PTPN4: variants seen among roughly 807,000 people sequenced by gnomAD.
PTPN4 encodes the protein tyrosine-protein phosphatase non-receptor type 4.
PTPN4 carries 49 observed loss-of-function variants against 135.5 expected under a neutral mutation model. The ratio of observed to expected loss-of-function variants is 0.36; its 90% CI spans 0.29 to 0.46. The LOEUF (loss-of-function observed/expected upper bound fraction) is 0.46, where lower values mean the gene tolerates loss of function less well. Ranked by LOEUF, PTPN4 falls within the 20% of genes least tolerant of loss-of-function variation. The pLI is 1.00. For missense variants in PTPN4, 860 were observed against 1,101.0 expected (o/e 0.78, Z 3.10); for synonymous variants, 333 against 369.9 (o/e 0.90, Z 1.14).
intron 1 of PTPN4, among the ~76,000 whole-genome samples, chr2:119,801,152 G>T (rs1259941436): frequency 6.6e-6 from 1 of 152,136 alleles, no homozygotes; most frequent in Admixed American, 6.5e-5. Flanking sequence ...GCAGTGGCAC[G>T]ATCTTGGTTC....
intron 2 of PTPN4, among the ~76,000 whole-genome samples, chr2:119,854,511 C>T (rs1677643310): frequency 1.3e-5 from 2 of 152,084 alleles, no homozygotes; most frequent in South Asian, 4.1e-4. Context: ...TCTTTCTGGC[C>T]ACTTCCTGCT....
chr2:119,835,084 T>C (rs984769969), intron 2 of PTPN4, among the ~76,000 whole-genome samples: 1 of 152,192 alleles, frequency 6.6e-6, no homozygotes, highest in Non-Finnish European at 1.5e-5. Context: ...ATAAAGGAGC[T>C]CAGGGCAGAA....
rs35324437 is a variant in PTPN4, at chr2:119,903,556, G to GACACAC, written c.764+2773_764+2778dup. Among the ~76,000 whole-genome samples the GACACAC allele has an allele frequency of 1.1e-3, 163 of 147,748 alleles. 1 individual carries two copies. Among genetic ancestry groups the GACACAC allele is most frequent in the African/African-American group, 2.8e-3 (114 of 40,206 alleles). ...TTGGCTGGCCATACCTGCAGCTGCT[G>GACACAC]ACACACACACACACACACACACACA... On this transcript the variant is annotated intron_variant, in intron 10 of 26. Coordinates refer to ENST00000263708, the MANE Select transcript of PTPN4 (RefSeq NM_002830.4).
chr2:119,819,693 G>A (rs1677037116), intron 2 of PTPN4, among the ~76,000 whole-genome samples: 1 of 152,200 alleles, frequency 6.6e-6, no homozygotes, highest in South Asian at 2.1e-4. Context: ...GGGCATAGCC[G>A]TTGTCAGAGA....
intron 22 of PTPN4, 108 bp downstream of exon 22, chr2:119,957,185 C>A: frequency 9.8e-7 from 1 of 1,016,168 alleles, no homozygotes; most frequent in Non-Finnish European, 1.4e-6. Flanking sequence ...TTAAAACTTT[C>A]AGCTATGAAA....
intron 1 of PTPN4, among the ~76,000 whole-genome samples, chr2:119,798,442 C>G (rs909496533): frequency 2.0e-5 from 3 of 152,214 alleles, no homozygotes; most frequent in African/African-American, 7.2e-5. Flanking sequence ...GTTGGGATTA[C>G]AGGCATGAGC....
Position 119,980,484 on chromosome 2 carries a change from A to C in PTPN4, c.*3414A>C, listed in dbSNP as rs1043111845. 6.6e-6 allele frequency: 1 copy of C among 151,926 alleles called. No homozygotes were observed. The highest frequency in any genetic ancestry group is 2.4e-5 in the African/African-American group (1 of 41,406). The allele number at this position is 151,926 out of a possible 1,614,324, so 9.4% of individuals were successfully genotyped here. ...TAGCCCATTTTTATCGGCATTAGGA[A>C]ATAGGGTTCAGCAATGGTTATTGAT... On this transcript the variant is annotated 3_prime_UTR_variant, in exon 27 of 27. Transcript: ENST00000263708.
At chr2:119,907,516 A>G (rs929466814) in intron 10 of PTPN4, among the ~76,000 whole-genome samples, 2 of 152,132 alleles carry the variant, frequency 1.3e-5, no homozygotes, top group Non-Finnish European at 2.9e-5. Context: ...AGGTGGGAGG[A>G]TCACTTGAGC....
Position 119,977,249 on chromosome 2 carries a change from T to C in PTPN4, c.*179T>C, listed in dbSNP as rs1679631667. 3.0e-6 allele frequency: 3 copies of C among 1,016,812 alleles called. No homozygotes were observed. Among genetic ancestry groups the C allele is most frequent in the Non-Finnish European group, 3.9e-6 (3 of 771,142 alleles). 63.0% of individuals were successfully genotyped at this position (1,016,812 alleles called of 1,614,324 possible). ...TAAAAAATGTCACTCTTTCAAAATC[T>C]ATAACTCATGTATTTGAAGACTGTT... On this transcript the variant is annotated 3_prime_UTR_variant, in exon 27 of 27. Coordinates refer to ENST00000263708, the MANE Select transcript of PTPN4 (RefSeq NM_002830.4).
At chr2:119,921,403 C>T (rs1678734996) in intron 12 of PTPN4, among the ~76,000 whole-genome samples, 2 of 152,222 alleles carry the variant, frequency 1.3e-5, no homozygotes, top group South Asian at 2.1e-4. Context: ...AAATTGTAAA[C>T]CTAAACATGT....
chr2:119,850,938 A>T (rs1375806385), intron 2 of PTPN4, among the ~76,000 whole-genome samples: 1 of 152,108 alleles, frequency 6.6e-6, no homozygotes. Context: ...CCTTGCTACT[A>T]TTAATATTTT....
At chr2:119,924,811 G>A (rs1040412806) in intron 12 of PTPN4, among the ~76,000 whole-genome samples, 1 of 152,028 alleles carries the variant, frequency 6.6e-6, no homozygotes, top group African/African-American at 2.4e-5. Context: ...GAAAATTAAG[G>A]TATCAGTCAG....
chr2:119,781,628 C>T (rs1029735540), intron 1 of PTPN4, among the ~76,000 whole-genome samples: 8 of 152,136 alleles, frequency 5.3e-5, no homozygotes, highest in African/African-American at 1.9e-4. Context: ...ACCACCTTTT[C>T]AGTATGGCCT....
intron 23 of PTPN4, 104 bp downstream of exon 23, chr2:119,961,057 A>G (rs1362474406): frequency 7.7e-7 from 1 of 1,298,154 alleles, no homozygotes; most frequent in Non-Finnish European, 1.0e-6. Context: ...GTAACCTTTA[A>G]TCTTCTTTTC....
intron 26 of PTPN4, among the ~76,000 whole-genome samples, chr2:119,973,135 ACT>A (rs1305681962): frequency 6.6e-6 from 1 of 151,668 alleles, no homozygotes; most frequent in Non-Finnish European, 1.5e-5. Flanking sequence ...CAAAACCAAA[ACT>A]CTATATCCAT....
intron 26 of PTPN4, among the ~76,000 whole-genome samples, chr2:119,969,552 C>CTTTTTTTTTTTTTTTTTTTTTT (rs35531556): frequency 1.8e-5 from 2 of 113,862 alleles, no homozygotes; most frequent in African/African-American, 3.5e-5. Flanking sequence ...TAATCAATTT[C>CTTTTTTTTTTTTTTTTTTTTTT]TTTTTTTTTT....
intron 15 of PTPN4, among the ~76,000 whole-genome samples, chr2:119,937,618 A>C (rs1415367542): frequency 6.6e-6 from 1 of 152,262 alleles, no homozygotes; most frequent in East Asian, 1.9e-4. Context: ...TTTAAAGCTC[A>C]GTGGACTGAA....
intron 18 of PTPN4, 93 bp downstream of exon 18, chr2:119,946,667 A>T (rs997240495): frequency 1.9e-6 from 2 of 1,035,932 alleles, no homozygotes. Flanking sequence ...AAGGAATTTC[A>T]TCATTTCTTT....
At chr2:119,927,683 G>A (rs1678846058) in intron 13 of PTPN4, among the ~76,000 whole-genome samples, 1 of 151,396 alleles carries the variant, frequency 6.6e-6, no homozygotes, top group Non-Finnish European at 1.5e-5. Flanking sequence ...TTAGAGACAA[G>A]AGTTTGTTTT....
Sources: gnomAD v4.1 joint callset for allele counts (sites outside exome capture counted in the v4.1 genomes callset) on GRCh38, gnomAD v4.1.1 for gene constraint, MANE v1.5 for transcripts, NCBI Gene and HGNC (gene_info 2026-07-23, HGNC 2026-07-21) for gene names.